GABRB2: variants seen among roughly 807,000 people sequenced by gnomAD.
GABRB2 encodes the protein gamma-aminobutyric acid type A receptor subunit beta2, also known as gamma-aminobutyric acid receptor subunit beta-2.
In GABRB2, 16 loss-of-function variants were observed where a neutral mutation model predicts 54.7. That is an observed-to-expected ratio of 0.29 (90% confidence interval 0.20 to 0.44). GABRB2 has a LOEUF of 0.44. Ranked by LOEUF, GABRB2 falls within the 20% of genes least tolerant of loss-of-function variation. The pLI is 1.00. For missense variants in GABRB2, 355 were observed against 644.0 expected, an observed-to-expected ratio of 0.55 and a Z score of 4.86; for synonymous variants, 244 against 233.8, an observed-to-expected ratio of 1.04 and a Z score of -0.40.
intron 3 of GABRB2, among the ~76,000 whole-genome samples, chr5:161,463,555 TTATATA>T (rs869302091): frequency 3.0e-4 from 7 of 23,710 alleles, no homozygotes; most frequent in African/African-American, 8.9e-4. Flanking sequence ...ATATTTTTAT[TTATATA>T]TATATATATA....
chr5:161,320,912 C>G (rs1758189052), intron 9 of GABRB2, among the ~76,000 whole-genome samples: 1 of 151,982 alleles, frequency 6.6e-6, no homozygotes, highest in Non-Finnish European at 1.5e-5. Flanking sequence ...TATCTTTCTT[C>G]ATTTCCTTCA....
At chr5:161,315,705 A>C (rs1256251761) in intron 9 of GABRB2, among the ~76,000 whole-genome samples, 4 of 152,192 alleles carry the variant, frequency 2.6e-5, no homozygotes, top group Non-Finnish European at 5.9e-5. Context: ...TATGGTGTAC[A>C]TGTGATATCT....
intron 5 of GABRB2, among the ~76,000 whole-genome samples, chr5:161,352,993 A>G (rs187579259): frequency 6.6e-5 from 10 of 152,158 alleles, no homozygotes; most frequent in East Asian, 1.9e-4. Context: ...AAAAAAGCCA[A>G]TGATACTGCT....
At chr5:161,307,993 G>A (rs1340223447) in intron 9 of GABRB2, among the ~76,000 whole-genome samples, 2 of 151,550 alleles carry the variant, frequency 1.3e-5, no homozygotes, top group Admixed American at 6.6e-5. Context: ...TGAGTAGCTG[G>A]GACTACAGGC....
rs547851854 is a variant in GABRB2 at position 161,450,644 on chromosome 5, T to A, written c.458+8980A>T. On this transcript the variant is annotated intron_variant, in intron 4 of 9. Transcript: ENST00000393959. ...AGGAGCTTGGGATTCTGCTCTGTGG[T>A]TTGCCATCGTCTCTAGGATGTTAGG... Among the ~76,000 whole-genome samples the A allele has an allele frequency of 2.0e-5, 3 of 152,260 alleles. No individual in the cohort carries two copies. In the East Asian group the frequency reaches 5.8e-4, roughly 29 times the overall value.
Position 161,338,117 on chromosome 5 carries a change from AT to A in GABRB2, c.542-1349del, listed in dbSNP as rs927134807. Among the ~76,000 whole-genome samples, 8 of 151,740 alleles carry A rather than the reference AT, an allele frequency of 5.3e-5. No homozygotes were observed. In the East Asian group the frequency reaches 7.8e-4, roughly 15 times the overall value. On this transcript the variant is annotated intron_variant, in intron 5 of 9. Transcript: ENST00000393959. ...AATCTTTAAAATAAGGTAGAAACAA[AT>A]TTTTTTTTCAAAGAAGTAGGATACC...
intron 3 of GABRB2, among the ~76,000 whole-genome samples, chr5:161,533,162 G>C (rs547180254): frequency 1.9e-4 from 29 of 152,234 alleles, no homozygotes; most frequent in Middle Eastern, 3.4e-3. Context: ...TAGGAATGCC[G>C]ATAGAATGTG....
At chr5:161,482,312 G>T (rs879895724) in intron 3 of GABRB2, among the ~76,000 whole-genome samples, 3 of 152,006 alleles carry the variant, frequency 2.0e-5, no homozygotes, top group African/African-American at 7.2e-5. Context: ...TATTGTTTCT[G>T]TTCTTTTTGG....
At chr5:161,341,937 TTATATATATATATATATA>T (rs1237952955) in intron 5 of GABRB2, among the ~76,000 whole-genome samples, 2 of 75,708 alleles carry the variant, frequency 2.6e-5, no homozygotes, top group African/African-American at 9.1e-5. Flanking sequence ...ATTTTTTCTT[TTATATATATATATATATA>T]TATATATATA....
rs551839130 is a variant in GABRB2 at position 161,545,498 on chromosome 5, T to C, written c.170-204A>G. Among the ~76,000 whole-genome samples, 53 of 150,886 alleles carry C rather than the reference T, an allele frequency of 3.5e-4. 1 individual carries two copies. The South Asian group carries it at 0.011, about 31-fold the overall frequency. The stretch of plus-strand genomic sequence containing the variant: ...CCTCTAACAAATGCTGTATTGAATA[T>C]GCACACACGTATGCTGTGAACAAGG... On this transcript the variant is annotated intron_variant, in intron 2 of 9. Coordinates refer to ENST00000393959, the MANE Select transcript of GABRB2 (RefSeq NM_001371727.1).
intron 4 of GABRB2, among the ~76,000 whole-genome samples, chr5:161,426,475 C>G (rs1757001241): frequency 6.6e-6 from 1 of 151,916 alleles, no homozygotes; most frequent in Non-Finnish European, 1.5e-5. Flanking sequence ...CAAAAATCAT[C>G]TAGAAGACAA....
intron 5 of GABRB2, among the ~76,000 whole-genome samples, chr5:161,337,007 G>A (rs766346574): frequency 3.9e-5 from 6 of 152,022 alleles, no homozygotes; most frequent in Non-Finnish European, 8.8e-5. Flanking sequence ...ACTTACAAAA[G>A]CTTAGAGAAA....
intron 3 of GABRB2, among the ~76,000 whole-genome samples, chr5:161,512,204 A>C (rs1421920916): frequency 6.6e-6 from 1 of 151,984 alleles, no homozygotes; most frequent in African/African-American, 2.4e-5. Flanking sequence ...ATCAAACTAC[A>C]AAAGTCATTT....
chr5:161,546,377 C>T lies in GABRB2; in HGVS notation c.114G>A (p.Glu38=), dbSNP rs755960134. The T allele has an allele frequency of 1.2e-6, 2 of 1,614,172 alleles. No homozygotes were observed. Among genetic ancestry groups the T allele is most frequent in the South Asian group, 1.1e-5 (1 of 91,088 alleles). ...NDPSNMSLVK[E]TVDRLLKGYD... ...AGCCTTTCAGGAGTCTATCCACCGT[C>T]TCTTTAACCAGCGACATATTACTAG... Residue 38 remains glutamate, a synonymous_variant, in exon 2 of 10, where the codon GAG becomes GAA. Transcript: ENST00000393959.
chr5:161,374,164 G>A lies in GABRB2; in HGVS notation c.541+36811C>T, dbSNP rs989895159. Among the ~76,000 whole-genome samples, 6 of 152,062 alleles carry A rather than the reference G, an allele frequency of 3.9e-5. No homozygotes were observed. In the East Asian group the frequency reaches 7.8e-4, roughly 20 times the overall value. On this transcript the variant is annotated intron_variant, in intron 5 of 9. Transcript: ENST00000393959. ...TCTCCATGTTGGTCAGGCTGGTCTCGAACTCCTGATCTCAGATGATCCGTT... is the reference window on the plus strand; with the variant it reads ...TCTCCATGTTGGTCAGGCTGGTCTCAAACTCCTGATCTCAGATGATCCGTT...
chr5:161,342,963 T>C (rs1016430231), intron 5 of GABRB2, among the ~76,000 whole-genome samples: 7 of 152,090 alleles, frequency 4.6e-5, no homozygotes, highest in African/African-American at 1.4e-4. Flanking sequence ...ATTAGAAGTC[T>C]GTCAGTCCAC....
At chr5:161,487,240 A>G (rs1230312163) in intron 3 of GABRB2, among the ~76,000 whole-genome samples, 4 of 151,952 alleles carry the variant, frequency 2.6e-5, no homozygotes, top group African/African-American at 7.2e-5. Flanking sequence ...TTTTTAGCTC[A>G]TTATAGCACT....
chr5:161,313,623 CT>C (rs1033051904), intron 9 of GABRB2, among the ~76,000 whole-genome samples: 25 of 151,870 alleles, frequency 1.6e-4, no homozygotes, highest in Non-Finnish European at 1.0e-4. Context: ...GAGTTCTGCC[CT>C]TGTGATCACT....
intron 5 of GABRB2, among the ~76,000 whole-genome samples, chr5:161,406,920 T>C (rs1436101954): frequency 6.6e-6 from 1 of 152,074 alleles, no homozygotes; most frequent in South Asian, 2.1e-4. Flanking sequence ...GATCCCACTA[T>C]GGCTGAGATT....
Sources: allele counts gnomAD v4.1 joint callset (sites outside exome capture counted in the v4.1 genomes callset), GRCh38; gene constraint gnomAD v4.1.1; transcripts MANE v1.5; gene names NCBI Gene and HGNC (gene_info 2026-07-23, HGNC 2026-07-21).